GALNTL6: variants seen among roughly 807,000 people sequenced by gnomAD.
The protein encoded by GALNTL6 is polypeptide N-acetylgalactosaminyltransferase-like 6.
A neutral mutation model predicts 73.7 loss-of-function variants in GALNTL6; 46 were observed. That is an observed-to-expected ratio of 0.62 (90% CI 0.49 to 0.80). The LOEUF (loss-of-function observed/expected upper bound fraction) is 0.80, where lower values mean the gene tolerates loss of function less well. Among genes scored for constraint, GALNTL6 ranks in the 30% least tolerant of loss-of-function variants. The pLI is 0.00. For missense variants in GALNTL6, 604 were observed against 755.0 expected, an observed-to-expected ratio of 0.80 and a Z score of 2.34; for synonymous variants, 259 against 263.7, an observed-to-expected ratio of 0.98 and a Z score of 0.17.
intron 3 of GALNTL6, among the ~76,000 whole-genome samples, chr4:172,244,129 A>T (rs1579294112): frequency 6.6e-6 from 1 of 152,184 alleles, no homozygotes; most frequent in South Asian, 2.1e-4. Flanking sequence ...GTATTACCAA[A>T]ACAATATTCA....
chr4:172,678,976 G>A (rs747647227), intron 5 of GALNTL6, among the ~76,000 whole-genome samples: 3 of 152,102 alleles, frequency 2.0e-5, no homozygotes, highest in Non-Finnish European at 4.4e-5. Context: ...CCATAGCAAC[G>A]TGAACACAGC....
intron 10 of GALNTL6, among the ~76,000 whole-genome samples, chr4:173,007,374 A>C (rs542946854): frequency 1.5e-4 from 23 of 152,338 alleles, no homozygotes; most frequent in African/African-American, 5.5e-4. Context: ...GGACTATATA[A>C]GGGCTTAAAA....
At chr4:172,225,330 A>G (rs1265116123) in intron 2 of GALNTL6, among the ~76,000 whole-genome samples, 1 of 152,024 alleles carries the variant, frequency 6.6e-6, no homozygotes, top group African/African-American at 2.4e-5. Flanking sequence ...GTATGCAAGC[A>G]TACCTAGTCT....
chr4:172,397,053 T>C (rs1259780294), intron 5 of GALNTL6, among the ~76,000 whole-genome samples: 1 of 152,174 alleles, frequency 6.6e-6, no homozygotes, highest in Non-Finnish European at 1.5e-5. Flanking sequence ...AGATGTAAAT[T>C]CGAGATGGAA....
chr4:172,524,613 G>A (rs371170343), intron 5 of GALNTL6, among the ~76,000 whole-genome samples: 4 of 152,096 alleles, frequency 2.6e-5, no homozygotes, highest in East Asian at 1.9e-4. Context: ...GAACATACTC[G>A]TATAAGTCTC....
At chr4:172,934,844 C>A (rs1303693852) in intron 9 of GALNTL6, among the ~76,000 whole-genome samples, 1 of 152,174 alleles carries the variant, frequency 6.6e-6, no homozygotes, top group Admixed American at 6.5e-5. Flanking sequence ...GGCTGAGTGG[C>A]AAATAGGTGG....
At chr4:172,668,444 G>C (rs938284954) in intron 5 of GALNTL6, 2 of 152,122 alleles carry the variant, frequency 1.3e-5, no homozygotes, top group African/African-American at 4.8e-5. Flanking sequence ...CCTAGAAAGA[G>C]GAAGATCAAA....
At chr4:172,429,446 A>G (rs1487346746) in intron 5 of GALNTL6, among the ~76,000 whole-genome samples, 1 of 151,990 alleles carries the variant, frequency 6.6e-6, no homozygotes, top group Non-Finnish European at 1.5e-5. Flanking sequence ...TCCTGACCTC[A>G]TGATCTGCCC....
chr4:171,960,481 T>C (rs1739188750), intron 2 of GALNTL6, among the ~76,000 whole-genome samples: 1 of 152,082 alleles, frequency 6.6e-6, no homozygotes, highest in East Asian at 1.9e-4. Flanking sequence ...GGTTTCACTG[T>C]GTTCCCCAGG....
chr4:172,075,810 T>C (rs1731685475), intron 2 of GALNTL6, among the ~76,000 whole-genome samples: 1 of 151,796 alleles, frequency 6.6e-6, no homozygotes, highest in South Asian at 2.1e-4. Flanking sequence ...GTTAGAAAAG[T>C]GGGCAATCAT....
intron 2 of GALNTL6, among the ~76,000 whole-genome samples, chr4:172,023,553 C>A (rs1036079601): frequency 6.6e-6 from 1 of 151,798 alleles, no homozygotes; most frequent in South Asian, 2.1e-4. Context: ...TATTTCAACT[C>A]TTTCATGCTT....
At chr4:172,177,815 G>GTGTGTATATATACACACACATATATA (rs1378793471) in intron 2 of GALNTL6, among the ~76,000 whole-genome samples, 1 of 123,394 alleles carries the variant, frequency 8.1e-6, no homozygotes, top group South Asian at 2.2e-4. Context: ...ACATATATGT[G>GTGTGTATATATACACACACATATATA]TGTGTATATA....
chr4:172,288,664 C>T (rs1023171022), intron 3 of GALNTL6, among the ~76,000 whole-genome samples: 1 of 152,114 alleles, frequency 6.6e-6, no homozygotes, highest in African/African-American at 2.4e-5. Context: ...ACTGCTACAG[C>T]TCCTGGCACA....
At chr4:172,988,813 C>CCTAA (rs796931382) in intron 10 of GALNTL6, among the ~76,000 whole-genome samples, 2 of 152,350 alleles carry the variant, frequency 1.3e-5, no homozygotes, top group African/African-American at 4.8e-5. Context: ...GGGTGCAAGC[C>CCTAA]CTAAGCCTTG....
intron 2 of GALNTL6, among the ~76,000 whole-genome samples, chr4:172,137,780 A>G (rs1204100473): frequency 6.6e-6 from 1 of 152,218 alleles, no homozygotes; most frequent in African/African-American, 2.4e-5. Context: ...ATTGATTACA[A>G]CTTTGAGCAA....
intron 2 of GALNTL6, among the ~76,000 whole-genome samples, chr4:171,923,018 G>A (rs1737841219): frequency 6.6e-6 from 1 of 151,652 alleles, no homozygotes; most frequent in Non-Finnish European, 1.5e-5. Context: ...AAATATCTAA[G>A]ACCAAAAAGC....
At chr4:172,382,204 G>A (rs1743308405) in intron 5 of GALNTL6, among the ~76,000 whole-genome samples, 1 of 151,972 alleles carries the variant, frequency 6.6e-6, no homozygotes, top group African/African-American at 2.4e-5. Context: ...CCTAACTTCA[G>A]GTGATCCACC....
At chr4:172,518,624 A>T (rs191224008) in intron 5 of GALNTL6, among the ~76,000 whole-genome samples, 1 of 152,024 alleles carries the variant, frequency 6.6e-6, no homozygotes, top group Admixed American at 6.6e-5. Context: ...CAGGTCAGAG[A>T]TTTAGCCATA....
chr4:172,182,667 AAATT>A (rs1293112152), intron 2 of GALNTL6, among the ~76,000 whole-genome samples: 1 of 151,796 alleles, frequency 6.6e-6, no homozygotes, highest in Non-Finnish European at 1.5e-5. Context: ...GGGGGAGTAA[AAATT>A]AAGCCAAAGG....
Sources: allele counts gnomAD v4.1 joint callset (sites outside exome capture counted in the v4.1 genomes callset), GRCh38; gene constraint gnomAD v4.1.1; transcripts MANE v1.5; gene names NCBI Gene and HGNC (gene_info 2026-07-23, HGNC 2026-07-21).